The following PSG4 variants were observed in gnomAD, a reference collection of about 807,000 sequenced individuals.
The protein encoded by PSG4 is pregnancy-specific beta-1-glycoprotein 4.
A neutral mutation model predicts 44.3 loss-of-function variants in PSG4; 61 were observed. The observed-to-expected ratio is 1.38, with a 90% CI of 1.12 to 1.70. PSG4 has a LOEUF of 1.70. Among genes scored for constraint, PSG4 ranks in the 40% most tolerant of loss-of-function variants. PSG4 has a pLI of 0.00. For missense variants in PSG4, 677 were observed against 511.7 expected (o/e 1.32, Z -3.12); for synonymous variants, 248 against 191.3 (o/e 1.30, Z -2.45).
At chr19:43,201,747 C>A (rs1168916631) in intron 2 of PSG4, among the ~76,000 whole-genome samples, 9 of 145,548 alleles carry the variant, frequency 6.2e-5, no homozygotes, top group Non-Finnish European at 1.2e-4. Context: ...ACTAATCAAC[C>A]TCCAGCCTCC....
chr19:43,193,761 G>A (rs1260271562), intron 5 of PSG4: 5 of 529,640 alleles, frequency 9.4e-6, no homozygotes, highest in South Asian at 7.6e-5. Context: ...CTATATTCTT[G>A]AATATAACAT....
In PSG4 at chr19:43,193,291, C is replaced by G. The variant is rs537610679; in HGVS notation, c.*81G>C. 7.8e-6 allele frequency: 6 copies of G among 772,708 alleles called. 1 individual carries two copies. The highest frequency in any genetic ancestry group is 3.4e-5 in the Admixed American group (2 of 58,882). 47.9% of individuals were successfully genotyped at this position (772,708 alleles called of 1,614,324 possible). On this transcript the variant is annotated 3_prime_UTR_variant, in exon 6 of 6. Coordinates refer to ENST00000405312, the MANE Select transcript of PSG4 (RefSeq NM_002780.5). The stretch of plus-strand genomic sequence containing the variant: ...TTTACATCGAGTTGTCCACCTCCAG[C>G]TTATAGGGCTTCTGGAACAGAGTGG...
intron 2 of PSG4, among the ~76,000 whole-genome samples, chr19:43,201,819 T>TGTGTG (rs1967523429): frequency 7.2e-6 from 1 of 139,336 alleles, no homozygotes; most frequent in Non-Finnish European, 1.5e-5. Flanking sequence ...TTCAATAATT[T>TGTGTG]TGTGTGTGTG....
rs1339008213 is a variant in PSG4, at chr19:43,195,033, C to A, written c.950G>T (p.Gly317Val). Residue 317 changes from glycine (G) to valine (V), a missense_variant, in exon 4 of 6, where the codon GGT becomes GTT. Coordinates refer to ENST00000405312, the MANE Select transcript of PSG4 (RefSeq NM_002780.5). ...PYQCEIRDRY[G>V]GIRSDPVTLN... ...GGTGACTGGGTCACTGCGGATGCCA[C>A]CATATCGGTCCCGTATTTCACATTG... 4 of 1,612,042 alleles carry A rather than the reference C, an allele frequency of 2.5e-6. No homozygotes were observed. In the Admixed American group the frequency reaches 5.0e-5, roughly 20 times the overall value.
At position 43,193,238 on chromosome 19, in the gene PSG4, T is replaced by C. The variant is rs539587816; in HGVS notation, c.*134A>G. On this transcript the variant is annotated 3_prime_UTR_variant, in exon 6 of 6. Transcript: ENST00000405312. ...TTTGGTGAGTTCTGAGTGGCTCACATGTCAGGTACAAGGGTTTTCCCATGA... is the reference window on the plus strand; with the variant it reads ...TTTGGTGAGTTCTGAGTGGCTCACACGTCAGGTACAAGGGTTTTCCCATGA... 2.1e-4 allele frequency: 163 copies of C among 763,958 alleles called. 6 individuals are homozygous for C. The highest frequency in any genetic ancestry group is 1.2e-3 in the African/African-American group (72 of 58,906). The allele number at this position is 763,958 out of a possible 1,614,324, so 47.3% of individuals were successfully genotyped here. A position where few individuals can be genotyped will look rare whatever the true frequency, so the allele number is the denominator to read the frequency against.
intron 4 of PSG4, 166 bp from the exon 5 acceptor site, chr19:43,194,760 T>C: frequency 7.0e-7 from 1 of 1,420,718 alleles, no homozygotes; most frequent in Non-Finnish European, 9.4e-7. Context: ...CACCTGTTTC[T>C]CCCATCACAA....
rs1268652666 is a variant in PSG4, at chr19:43,198,094, T to C, written c.612A>G (p.Ile204Met). 1.3e-6 allele frequency: 2 copies of C among 1,587,626 alleles called. No individual in the cohort carries two copies. The highest frequency in any genetic ancestry group is 1.1e-5 in the South Asian group (1 of 89,932). ...CTGCAATATACTTTGTGACACCAAATATAAAGAGGGTCCTGTTGGTTTTGG... is the reference window on the plus strand; with the variant it reads ...CTGCAATATACTTTGTGACACCAAACATAAAGAGGGTCCTGTTGGTTTTGG... ...QLSKTNRTLFIFGVTKYIAGP... is the reference protein window; with the variant it reads ...QLSKTNRTLFMFGVTKYIAGP... Residue 204 changes from isoleucine (I) to methionine (M), a missense_variant, in exon 3 of 6, where the codon ATA becomes ATG. Physicochemically the swap from Ile to Met is conservative, Grantham distance 10. Transcript: ENST00000405312.
chr19:43,194,805 C>G (rs1967163517), intron 4 of PSG4, 190 bp downstream of exon 4: 1 of 1,426,928 alleles, frequency 7.0e-7, no homozygotes, highest in African/African-American at 1.4e-5. Flanking sequence ...ACAAGAGCGT[C>G]CCCTCCCCTT....
chr19:43,193,693 G>A (rs1223867929), intron 5 of PSG4: 8 of 545,312 alleles, frequency 1.5e-5, no homozygotes, highest in South Asian at 4.8e-5. Context: ...TTGAGAATAG[G>A]AAGCCAAACC....
rs979123723 is a variant in PSG4, at chr19:43,193,823, C to A, written c.1244-435G>T. On this transcript the variant is annotated intron_variant, in intron 5 of 5. Coordinates refer to ENST00000405312, the MANE Select transcript of PSG4 (RefSeq NM_002780.5). ...CAATGATTTGAAATGTGTCCTGTTA[C>A]AAAGAGAGCAGATTGTTACTGTACT... 1.2e-5 allele frequency: 7 copies of A among 565,038 alleles called. No individual in the cohort carries two copies. The East Asian group carries it at 2.2e-4, about 18-fold the overall frequency. 35.0% of individuals were successfully genotyped at this position (565,038 alleles called of 1,614,324 possible). A position where few individuals can be genotyped will look rare whatever the true frequency, so the allele number is the denominator to read the frequency against.
rs765060741 is a variant in PSG4, at chr19:43,203,875, G to A, written c.430+11C>T. On this transcript the variant is annotated intron_variant, in intron 2 of 5. Coordinates refer to ENST00000405312, the MANE Select transcript of PSG4 (RefSeq NM_002780.5). Reference sequence around the variant, plus strand: ...TCCCCCAACACCCAGGGATCATGTGGAATCACTCACGGTGTAAGGTGAAGG... The same window carrying A: ...TCCCCCAACACCCAGGGATCATGTGAAATCACTCACGGTGTAAGGTGAAGG... The A allele has an allele frequency of 1.9e-6, 3 of 1,574,634 alleles. No homozygotes were observed. Among genetic ancestry groups the A allele is most frequent in the South Asian group, 2.3e-5 (2 of 87,386 alleles).
chr19:43,194,521 G>T lies in PSG4; in HGVS notation c.1062C>A (p.Cys354Ter), dbSNP rs764872379. 3 of 1,612,450 alleles carry T rather than the reference G, an allele frequency of 1.9e-6. No individual in the cohort carries two copies. Among genetic ancestry groups the T allele is most frequent in the African/African-American group, 2.7e-5 (2 of 74,586 alleles). Residue 354 changes from cysteine (C) to a stop codon, truncating the protein, a stop_gained, in exon 5 of 6, where the codon TGC becomes TGA. Coordinates refer to ENST00000405312, the MANE Select transcript of PSG4 (RefSeq NM_002780.5). LOFTEE classifies it high-confidence loss of function. ...YRSGENLYLS[C>*]FAESNPRAQY... The stretch of plus-strand genomic sequence containing the variant: ...GTGCCCGTGGGTTAGACTCGGCGAA[G>T]CAGGACAAGTAGAGGTTTTCTCCTG...
chr19:43,194,555 T>C lies in PSG4; in HGVS notation c.1028A>G (p.Tyr343Cys), dbSNP rs1241953199. The C allele has an allele frequency of 3.1e-6, 5 of 1,612,350 alleles. No individual in the cohort carries two copies. Among genetic ancestry groups the C allele is most frequent in the Admixed American group, 1.7e-5 (1 of 59,872 alleles). Residue 343 changes from tyrosine to cysteine, a missense_variant, in exon 5 of 6, where the codon TAT (tyrosine) becomes TGT (cysteine). By Grantham distance (194) the Tyr-to-Cys change is radical (BLOSUM62 -2). Coordinates refer to ENST00000405312, the MANE Select transcript of PSG4 (RefSeq NM_002780.5). ...DLPSIYPSFT[Y>C]YRSGENLYLS... ...GTAGAGGTTTTCTCCTGAACGGTAA[T>C]AGGTGAATGAAGGGTAAATGCTGGG...
rs968661550 is a variant in PSG4, at chr19:43,196,226, T to C, written c.710-953A>G. On this transcript the variant is annotated intron_variant, in intron 3 of 5. Coordinates refer to ENST00000405312, the MANE Select transcript of PSG4 (RefSeq NM_002780.5). Reference sequence around the variant, plus strand: ...TATTTTCTTTCATTGGACATTCTACTCTCTGATTCCCTGGGTTCGACTACT... The same window carrying C: ...TATTTTCTTTCATTGGACATTCTACCCTCTGATTCCCTGGGTTCGACTACT... Among the ~76,000 whole-genome samples the C allele has an allele frequency of 4.2e-3, 630 of 151,034 alleles. 17 individuals are homozygous for C. Among genetic ancestry groups the C allele is most frequent in the African/African-American group, 0.014 (586 of 41,178 alleles).
chr19:43,201,743 C>T (rs1416571452), intron 2 of PSG4, among the ~76,000 whole-genome samples: 1 of 145,582 alleles, frequency 6.9e-6, no homozygotes. Context: ...GAGTACTAAT[C>T]AACCTCCAGC....
Position 43,195,256 on chromosome 19 carries a change from A to C in PSG4, c.727T>G (p.Tyr243Asp). The change falls in exon 4 of 6, where the codon TAC becomes GAC. Residue 243 changes from tyrosine to aspartate, a missense_variant. By Grantham distance (160) the Tyr-to-Asp change is radical. Coordinates refer to ENST00000405312, the MANE Select transcript of PSG4 (RefSeq NM_002780.5). The part of the protein sequence containing the change: ...LNLLPKLSKP[Y>D]ITINNLNPRE... ...GGGTTTAAGTTGTTGATTGTGATGT[A>C]GGGCTTGGACAGCTTTGCTGTGTGG... 5 of 1,610,508 alleles carry C rather than the reference A, an allele frequency of 3.1e-6. No individual in the cohort carries two copies. The highest frequency in any genetic ancestry group is 4.2e-6 in the Non-Finnish European group (5 of 1,178,932).
At chr19:43,194,209 G>A in intron 5 of PSG4, 131 bp downstream of exon 5, 4 of 1,579,622 alleles carry the variant, frequency 2.5e-6, no homozygotes, top group Admixed American at 1.7e-5. Flanking sequence ...GAGTGTTCAG[G>A]AGTAGAATTT....
intron 1 of PSG4, 177 bp from the exon 2 acceptor site, chr19:43,204,428 G>A: frequency 1.1e-6 from 1 of 906,150 alleles, no homozygotes; most frequent in Non-Finnish European, 1.6e-6. Flanking sequence ...TGTCCCACTA[G>A]GTCAAGATCA....
At chr19:43,197,380 T>G (rs757696796) in intron 3 of PSG4, among the ~76,000 whole-genome samples, 2 of 145,776 alleles carry the variant, frequency 1.4e-5, no homozygotes, top group Non-Finnish European at 3.0e-5. Flanking sequence ...ATTTGTTCCA[T>G]CAGTGGCTGA....
Sources: gnomAD v4.1 joint callset for allele counts (sites outside exome capture counted in the v4.1 genomes callset) on GRCh38, gnomAD v4.1.1 for gene constraint, MANE v1.5 for transcripts, NCBI Gene and HGNC (gene_info 2026-07-23, HGNC 2026-07-21) for gene names.